Variants in STAG1 observed in about 807,000 individuals in gnomAD.
STAG1 encodes cohesin subunit SA-1.
A neutral mutation model predicts 170.9 loss-of-function variants in STAG1; 26 were observed. The observed-to-expected ratio is 0.15, with a 90% confidence interval of 0.11 to 0.21. The LOEUF (loss-of-function observed/expected upper bound fraction) is 0.21, where lower values mean the gene tolerates loss of function less well. Ranked by LOEUF, STAG1 falls within the 10% of genes least tolerant of loss-of-function variation. STAG1 has a pLI of 1.00. For missense variants in STAG1, 964 were observed against 1,509.5 expected (o/e 0.64, Z 5.99); for synonymous variants, 514 against 497.7 (o/e 1.03, Z -0.44).
chr3:136,706,272 A>G (rs1427388140), intron 1 of STAG1, among the ~76,000 whole-genome samples: 1 of 152,240 alleles, frequency 6.6e-6, no homozygotes, highest in African/African-American at 2.4e-5. Context: ...AAAGGCATTC[A>G]TATTGGAAAG....
intron 6 of STAG1, among the ~76,000 whole-genome samples, chr3:136,524,747 C>G (rs1044801869): frequency 6.6e-6 from 1 of 152,114 alleles, no homozygotes; most frequent in East Asian, 1.9e-4. Context: ...ATAGATAGCT[C>G]TTATTATTTT....
At chr3:136,374,092 G>A (rs1353372703) in intron 23 of STAG1, among the ~76,000 whole-genome samples, 5 of 152,084 alleles carry the variant, frequency 3.3e-5, no homozygotes, top group Non-Finnish European at 5.9e-5. Flanking sequence ...TTACCATTAT[G>A]TAATGGCCTT....
intron 4 of STAG1, chr3:136,586,909 G>A (rs1423276542): frequency 5.0e-5 from 23 of 456,452 alleles, no homozygotes; most frequent in Non-Finnish European, 9.7e-5. Flanking sequence ...CCAAGTGAAT[G>A]CAAACAACAT....
chr3:136,357,654 T>A, intron 28 of STAG1, 66 bp downstream of exon 28: 1 of 1,291,332 alleles, frequency 7.7e-7, no homozygotes, highest in Non-Finnish European at 1.1e-6. Flanking sequence ...TTAAAAATTT[T>A]TCAAAAAATA....
chr3:136,382,397 C>CTTTCTTTT (rs1355252598), intron 22 of STAG1, among the ~76,000 whole-genome samples: 32 of 148,840 alleles, frequency 2.1e-4, no homozygotes, highest in Non-Finnish European at 4.0e-4. Context: ...ACAACCAAGG[C>CTTTCTTTT]TTTCTTTTTT....
chr3:136,399,477 T>C lies in STAG1; in HGVS notation c.2197-648A>G, dbSNP rs549750438. On this transcript the variant is annotated intron_variant, in intron 21 of 33. Transcript: ENST00000383202. ...CATATCGTTGAACAGTACATAAACGTAATCATACCATATGTATTGAGTCTG... is the reference window on the plus strand; with the variant it reads ...CATATCGTTGAACAGTACATAAACGCAATCATACCATATGTATTGAGTCTG... Among the ~76,000 whole-genome samples the C allele has an allele frequency of 2.6e-4, 39 of 152,366 alleles. No homozygotes were observed. In the East Asian group the frequency reaches 5.2e-3, roughly 20 times the overall value.
chr3:136,404,302 C>T (rs1167755720), intron 21 of STAG1, among the ~76,000 whole-genome samples: 3 of 152,114 alleles, frequency 2.0e-5, no homozygotes, highest in Non-Finnish European at 4.4e-5. Flanking sequence ...TTCTTCCAAC[C>T]CATCTTCTCT....
intron 9 of STAG1, among the ~76,000 whole-genome samples, chr3:136,498,233 T>TATATACACAC: frequency 8.7e-5 from 5 of 57,494 alleles, no homozygotes; most frequent in East Asian, 4.3e-3. Flanking sequence ...TATATATATA[T>TATATACACAC]ACACATACAT....
At chr3:136,584,230 A>G (rs1937693580) in intron 4 of STAG1, among the ~76,000 whole-genome samples, 1 of 152,216 alleles carries the variant, frequency 6.6e-6, no homozygotes, top group Non-Finnish European at 1.5e-5. Flanking sequence ...TCCACTAAAA[A>G]TATCTGGACT....
At chr3:136,528,872 G>C (rs1935215307) in intron 6 of STAG1, among the ~76,000 whole-genome samples, 1 of 151,972 alleles carries the variant, frequency 6.6e-6, no homozygotes, top group Admixed American at 6.6e-5. Flanking sequence ...AGAGGTTGCA[G>C]TGAGCCAAGA....
intron 1 of STAG1, among the ~76,000 whole-genome samples, chr3:136,728,011 T>C (rs1933786628): frequency 6.6e-6 from 1 of 151,808 alleles, no homozygotes; most frequent in Admixed American, 6.6e-5. Flanking sequence ...TACAAAAAAT[T>C]AGCCAGGTGT....
At chr3:136,747,824 G>A (rs891330314) in intron 1 of STAG1, among the ~76,000 whole-genome samples, 1 of 148,182 alleles carries the variant, frequency 6.7e-6, no homozygotes, top group African/African-American at 2.5e-5. Context: ...CACCCAGGCT[G>A]GAGTGCAGGT....
intron 1 of STAG1, among the ~76,000 whole-genome samples, chr3:136,731,221 A>G (rs557134096): frequency 6.6e-6 from 1 of 152,140 alleles, no homozygotes; most frequent in South Asian, 2.1e-4. Context: ...CAAGGCATTC[A>G]TTACCCACTA....
intron 4 of STAG1, among the ~76,000 whole-genome samples, chr3:136,597,806 T>G (rs534876693): frequency 6.6e-6 from 1 of 151,640 alleles, no homozygotes; most frequent in South Asian, 2.1e-4. Context: ...TTTTTTTTAA[T>G]GTATTGGCTA....
chr3:136,349,306 T>C lies in STAG1; in HGVS notation c.3123A>G (p.Val1041=), dbSNP rs1020155272. The C allele has an allele frequency of 5.6e-6, 9 of 1,613,872 alleles. No individual in the cohort carries two copies. The African/African-American group carries it at 6.7e-5, about 12-fold the overall frequency. ...TEQMMERRED[V]WLPLISYRNS... ...TTCTATAGGAGATGAGTGGAAGCCA[T>C]ACATCCTCCCTCCTTTCCATCATCT... The change falls in exon 29 of 34, where the codon GTA becomes GTG. Residue 1041 remains valine (V), a synonymous_variant. Transcript: ENST00000383202.
intron 1 of STAG1, among the ~76,000 whole-genome samples, chr3:136,693,187 G>A (rs940255121): frequency 1.3e-5 from 2 of 152,176 alleles, no homozygotes; most frequent in African/African-American, 4.8e-5. Flanking sequence ...TCCTGTAAAC[G>A]TCCAAGGCAA....
intron 12 of STAG1, among the ~76,000 whole-genome samples, chr3:136,468,579 C>T (rs2089536429): frequency 6.6e-6 from 1 of 152,184 alleles, no homozygotes; most frequent in Non-Finnish European, 1.5e-5. Flanking sequence ...ACCAGAGGTA[C>T]AAGGAGGAGC....
chr3:136,452,923 G>A (rs2088987815), intron 13 of STAG1, among the ~76,000 whole-genome samples: 1 of 152,062 alleles, frequency 6.6e-6, no homozygotes, highest in Admixed American at 6.5e-5. Context: ...CCAAGTAGCT[G>A]AAATTACAGG....
intron 16 of STAG1, among the ~76,000 whole-genome samples, chr3:136,424,288 A>ATACTGAT (rs2088047248): frequency 6.6e-6 from 1 of 150,648 alleles, no homozygotes. Context: ...ACATCTAAGG[A>ATACTGAT]TACTGATTTT....
Sources: allele counts gnomAD v4.1 joint callset (sites outside exome capture counted in the v4.1 genomes callset), GRCh38; gene constraint gnomAD v4.1.1; transcripts MANE v1.5; gene names NCBI Gene and HGNC (gene_info 2026-07-23, HGNC 2026-07-21).